Variants in KCNE2 observed in about 807,000 individuals in gnomAD.
KCNE2 encodes the protein potassium voltage-gated channel subfamily E member 2.
In KCNE2, 4 loss-of-function variants were observed where a neutral mutation model predicts 4.5. The ratio of observed to expected loss-of-function variants is 0.89; its 90% CI spans 0.44 to 2.03. KCNE2 has a LOEUF of 2.03. KCNE2 is among the 30% of genes most tolerant of loss of function. The probability of loss-of-function intolerance (pLI) is 0.03; values close to 1 mark genes in which losing one functional copy is unlikely to be tolerated. For missense variants in KCNE2, 137 were observed against 151.4 expected (o/e 0.90, Z 0.50); for synonymous variants, 57 against 55.9 (o/e 1.02, Z -0.09).
In KCNE2 at chr21:34,370,618, AC is replaced by A. The variant is rs2123423791; in HGVS notation, c.141del (p.Tyr48MetfsTer8). 6 of 1,614,248 alleles carry A rather than the reference AC, an allele frequency of 3.7e-6. No individual in the cohort carries two copies. Among genetic ancestry groups the A allele is most frequent in the Non-Finnish European group, 4.2e-6 (5 of 1,180,050 alleles). ...LQAKVDAENF[Y>X]YVILYLMVMI... ...GCCAAAGTTGATGCTGAGAACTTCT[AC>A]TATGTCATCCTGTACCTCATGGTGA... On this transcript the variant is annotated frameshift_variant, in exon 2 of 2. Transcript: ENST00000290310. LOFTEE classifies it high-confidence loss of function.
Position 34,370,631 on chromosome 21 carries a change from G to T in KCNE2, c.153G>T (p.Leu51=), listed in dbSNP as rs143767851. 3.5e-5 allele frequency: 57 copies of T among 1,614,054 alleles called. No individual in the cohort carries two copies. The highest frequency in any genetic ancestry group is 2.5e-5 in the Non-Finnish European group (30 of 1,180,034). The change falls in exon 2 of 2, where the codon CTG becomes CTT. Residue 51 remains leucine, a synonymous_variant. Coordinates refer to ENST00000290310, the MANE Select transcript of KCNE2 (RefSeq NM_172201.2). ...VDAENFYYVI[L]YLMVMIGMFS... ...CTGAGAACTTCTACTATGTCATCCT[G>T]TACCTCATGGTGATGATTGGAATGT... is the stretch of plus-strand genomic sequence containing the variant.
At position 34,368,225 on chromosome 21, in the gene KCNE2, AC is replaced by A. The variant is rs1174569290; in HGVS notation, c.-12-2241del. Among the ~76,000 whole-genome samples the A allele has an allele frequency of 5.1e-3, 347 of 68,184 alleles. 3 individuals carry two copies. The highest frequency in any genetic ancestry group is 0.031 in the Admixed American group (156 of 4,968). 44.7% of individuals were successfully genotyped at this position (68,184 alleles called of 152,430 possible). A position where few individuals can be genotyped will look rare whatever the true frequency, so the allele number is the denominator to read the frequency against. On this transcript the variant is annotated intron_variant, in intron 1 of 1. Coordinates refer to ENST00000290310, the MANE Select transcript of KCNE2 (RefSeq NM_172201.2). ...CACACACACACACACACACACACACACACAATATATATATATATATATATAT... is the reference window on the plus strand; with the variant it reads ...CACACACACACACACACACACACACAACAATATATATATATATATATATAT...
In KCNE2 at chr21:34,371,002, A is replaced by C; in HGVS notation, c.*152A>C. ...ATGGAGATTATGTGGTTGGCCAATA[A>C]AGATAGATGACATTTCAATCTCAGT... is the stretch of plus-strand genomic sequence containing the variant. On this transcript the variant is annotated 3_prime_UTR_variant, in exon 2 of 2. Coordinates refer to ENST00000290310, the MANE Select transcript of KCNE2 (RefSeq NM_172201.2). 1 of 908,738 alleles carries C rather than the reference A, an allele frequency of 1.1e-6. No individual in the cohort carries two copies. Among genetic ancestry groups the C allele is most frequent in the Non-Finnish European group, 1.7e-6 (1 of 576,482 alleles). The allele number at this position is 908,738 out of a possible 1,614,324, so 56.3% of individuals were successfully genotyped here.
intron 1 of KCNE2, among the ~76,000 whole-genome samples, chr21:34,366,315 T>A (rs1403833101): frequency 6.6e-6 from 1 of 152,110 alleles, no homozygotes; most frequent in Non-Finnish European, 1.5e-5. Flanking sequence ...GGGGAAAAAT[T>A]AAGTCACATC....
chr21:34,368,231 T>C (rs1471319267), intron 1 of KCNE2, among the ~76,000 whole-genome samples: 2,329 of 35,602 alleles, frequency 0.065, 64 homozygotes, highest in African/African-American at 0.092. Context: ...ACACACACAA[T>C]ATATATATAT....
chr21:34,368,322 C>T (rs1029664702), intron 1 of KCNE2, among the ~76,000 whole-genome samples: 13 of 146,108 alleles, frequency 8.9e-5, no homozygotes, highest in African/African-American at 2.0e-4. Context: ...AAATCTTGGC[C>T]GGGAGCGGTG....
chr21:34,368,861 A>C (rs1445299400), intron 1 of KCNE2, among the ~76,000 whole-genome samples: 1 of 152,142 alleles, frequency 6.6e-6, no homozygotes, highest in Non-Finnish European at 1.5e-5. Context: ...TAGTGACTGC[A>C]TATGTGATGT....
Position 34,370,789 on chromosome 21 carries a change from A to G in KCNE2, c.311A>G (p.Glu104Gly), listed in dbSNP as rs113659353. The G allele has an allele frequency of 2.5e-6, 4 of 1,614,232 alleles. No homozygotes were observed. Among genetic ancestry groups the G allele is most frequent in the African/African-American group, 1.3e-5 (1 of 75,054 alleles). The change falls in exon 2 of 2, where the codon GAA (glutamate) becomes GGA (glycine). Residue 104 changes from glutamate (E) to glycine (G), a missense_variant. Transcript: ENST00000290310. Reference protein sequence around the residue: ...EKYKSQILNLEESKATIHENI... With the variant: ...EKYKSQILNLGESKATIHENI... ...TACAAGAGCCAAATCTTGAATCTAG[A>G]AGAATCGAAGGCCACCATCCATGAG...
At position 34,370,653 on chromosome 21, in the gene KCNE2, A is replaced by G. The variant is rs770739581; in HGVS notation, c.175A>G (p.Met59Val). The change falls in exon 2 of 2, where the codon ATG (methionine) becomes GTG (valine). Residue 59 changes from methionine to valine, a missense_variant. Physicochemically the swap from Met to Val is conservative, Grantham distance 21. Coordinates refer to ENST00000290310, the MANE Select transcript of KCNE2 (RefSeq NM_172201.2). Reference protein sequence around the residue: ...VILYLMVMIGMFSFIIVAILV... With the variant: ...VILYLMVMIGVFSFIIVAILV... ...CCTGTACCTCATGGTGATGATTGGAATGTTCTCTTTCATCATCGTGGCCAT... is the reference window on the plus strand; with the variant it reads ...CCTGTACCTCATGGTGATGATTGGAGTGTTCTCTTTCATCATCGTGGCCAT... 4 of 1,614,234 alleles carry G rather than the reference A, an allele frequency of 2.5e-6. No homozygotes were observed. The Admixed American group carries it at 6.7e-5, about 27-fold the overall frequency.
chr21:34,369,499 G>A (rs113766211), intron 1 of KCNE2, among the ~76,000 whole-genome samples: 2,083 of 152,086 alleles, frequency 0.014, 45 homozygotes, highest in African/African-American at 0.048. Context: ...TCAGTGAGCA[G>A]AGATCGTGCC....
intron 1 of KCNE2, among the ~76,000 whole-genome samples, chr21:34,364,544 C>T (rs544351106): frequency 6.6e-6 from 1 of 152,088 alleles, no homozygotes; most frequent in Admixed American, 6.5e-5. Flanking sequence ...CTGAGGCAGG[C>T]GGATCACCTG....
chr21:34,366,055 TG>T (rs1189847017), intron 1 of KCNE2, among the ~76,000 whole-genome samples: 2 of 152,166 alleles, frequency 1.3e-5, no homozygotes, highest in African/African-American at 4.8e-5. Context: ...GGCTTAGCAG[TG>T]GGGCCTTTGT....
intron 1 of KCNE2, among the ~76,000 whole-genome samples, chr21:34,365,438 G>C (rs745571408): frequency 6.6e-6 from 1 of 152,064 alleles, no homozygotes; most frequent in Non-Finnish European, 1.5e-5. Context: ...GGTTTGTTTC[G>C]ATTTGATTTT....
intron 1 of KCNE2, among the ~76,000 whole-genome samples, chr21:34,366,934 G>A (rs1335948866): frequency 5.4e-5 from 7 of 128,446 alleles, no homozygotes; most frequent in Admixed American, 2.9e-4. Flanking sequence ...AGCCGAGATC[G>A]CGCCACTGCA....
intron 1 of KCNE2, among the ~76,000 whole-genome samples, chr21:34,365,434 T>C (rs1374720663): frequency 6.6e-6 from 1 of 152,190 alleles, no homozygotes; most frequent in East Asian, 1.9e-4. Context: ...ATATGGTTTG[T>C]TTCGATTTGA....
At chr21:34,366,783 T>C (rs866257375) in intron 1 of KCNE2, among the ~76,000 whole-genome samples, 1 of 150,582 alleles carries the variant, frequency 6.6e-6, no homozygotes, top group Non-Finnish European at 1.5e-5. Context: ...ATCGAGACCA[T>C]CCTGGCTAAC....
rs763545106 is a variant in KCNE2 at position 34,370,781 on chromosome 21, G to T, written c.303G>T (p.Leu101Phe). The change falls in exon 2 of 2, where the codon TTG becomes TTT. Residue 101 changes from leucine to phenylalanine, a missense_variant. Leu to Phe is a conservative substitution (Grantham distance 22). Transcript: ENST00000290310. ...DWQEKYKSQI[L>F]NLEESKATIH... Reference sequence around the variant, plus strand: ...AGGAAAAGTACAAGAGCCAAATCTTGAATCTAGAAGAATCGAAGGCCACCA... The same window carrying T: ...AGGAAAAGTACAAGAGCCAAATCTTTAATCTAGAAGAATCGAAGGCCACCA... 1 of 1,614,084 alleles carries T rather than the reference G, an allele frequency of 6.2e-7. No individual in the cohort carries two copies.
chr21:34,369,315 T>C (rs1305664484), intron 1 of KCNE2, among the ~76,000 whole-genome samples: 2 of 152,090 alleles, frequency 1.3e-5, no homozygotes, highest in Non-Finnish European at 2.9e-5. Context: ...TTTGGGAGGC[T>C]GAGGCGGGTG....
chr21:34,365,491 T>A (rs1979252071), intron 1 of KCNE2, among the ~76,000 whole-genome samples: 1 of 152,244 alleles, frequency 6.6e-6, no homozygotes, highest in Non-Finnish European at 1.5e-5. Flanking sequence ...AGTGGTGTGA[T>A]CATGGCTTAC....
Sources: gnomAD v4.1 joint callset for allele counts (sites outside exome capture counted in the v4.1 genomes callset) on GRCh38, gnomAD v4.1.1 for gene constraint, MANE v1.5 for transcripts, NCBI Gene and HGNC (gene_info 2026-07-23, HGNC 2026-07-21) for gene names.